The following PCDH15 variants were observed in gnomAD, a reference collection of about 807,000 sequenced individuals.
PCDH15 encodes the protein protocadherin-15.
Under a neutral mutation model 178.5 loss-of-function variants are expected in PCDH15, and 129 were observed. The observed-to-expected ratio is 0.72, with a 90% CI of 0.63 to 0.84. The LOEUF (loss-of-function observed/expected upper bound fraction) is 0.84, where lower values mean the gene tolerates loss of function less well. PCDH15 is among the 40% of genes least tolerant of loss of function. PCDH15 has a pLI of 0.00. For missense variants in PCDH15, 2,230 were observed against 2,099.9 expected (o/e 1.06, Z -1.21); for synonymous variants, 800 against 732.0 (o/e 1.09, Z -1.50).
intron 1 of PCDH15, among the ~76,000 whole-genome samples, chr10:54,677,091 G>A (rs896739018): frequency 6.6e-6 from 1 of 152,164 alleles, no homozygotes; most frequent in Non-Finnish European, 1.5e-5. Flanking sequence ...GTATATTCCG[G>A]CACAACATGG....
At chr10:53,863,480 G>C (rs773760183) in intron 27 of PCDH15, among the ~76,000 whole-genome samples, 17 of 152,088 alleles carry the variant, frequency 1.1e-4, no homozygotes, top group Non-Finnish European at 1.6e-4. Context: ...TGGTAGCATC[G>C]ACAAGAATAG....
At chr10:54,354,439 A>C (rs2583033) in intron 5 of PCDH15, among the ~76,000 whole-genome samples, 17,507 of 152,214 alleles carry the variant, frequency 0.12, 1,797 homozygotes, top group African/African-American at 0.28. Context: ...CTCTTTTTTA[A>C]CTGTTTCCTG....
At chr10:54,963,776 C>G (rs1371596981) in intron 2 of PCDH15, among the ~76,000 whole-genome samples, 1 of 152,152 alleles carries the variant, frequency 6.6e-6, no homozygotes, top group Admixed American at 6.5e-5. Context: ...TGTAGTCCTT[C>G]ATTAATGTGT....
rs911375116 is a variant in PCDH15 at position 53,820,184 on chromosome 10, T to C, written c.4414A>G (p.Ile1472Val). ...QLVICMRTCA[I>V]WRTLTRRGYG... is the part of the protein sequence containing the mutation. ...GAATACCTTGTCAGAGTCCGCCAAA[T>C]AGCACAAGTTCTCATGCATATGACC... Residue 1472 changes from isoleucine to valine, a missense_variant, in exon 33 of 38, where the codon ATT becomes GTT. Transcript: ENST00000644397. 5 of 397,736 alleles carry C rather than the reference T, an allele frequency of 1.3e-5. No individual in the cohort carries two copies. Among genetic ancestry groups the C allele is most frequent in the Non-Finnish European group, 2.2e-5 (5 of 225,486 alleles). 24.6% of individuals were successfully genotyped at this position (397,736 alleles called of 1,614,324 possible).
At position 55,171,626 on chromosome 10, in the gene PCDH15, A is replaced by G. The variant is rs1254149213; in HGVS notation, c.-155-4975T>C. Among the ~76,000 whole-genome samples, 3 of 152,156 alleles carry G rather than the reference A, an allele frequency of 2.0e-5. No homozygotes were observed. In the East Asian group the frequency reaches 5.8e-4, roughly 29 times the overall value. On this transcript the variant is annotated intron_variant, in intron 1 of 5. Transcript: ENST00000458638. ...TACTCTGCTATTTGGCATTTGACCA[A>G]GTTCTTTGCCTAATTACACTTTAAT...
chr10:54,928,876 C>T (rs898031886), intron 2 of PCDH15, among the ~76,000 whole-genome samples: 6 of 152,076 alleles, frequency 3.9e-5, no homozygotes, highest in African/African-American at 1.4e-4. Flanking sequence ...TCAACATACT[C>T]CTGCACCTCA....
chr10:55,015,911 G>A (rs1172838990), intron 2 of PCDH15, among the ~76,000 whole-genome samples: 1 of 151,992 alleles, frequency 6.6e-6, no homozygotes, highest in Non-Finnish European at 1.5e-5. Flanking sequence ...GGTAAAAACT[G>A]CATAGAAGAG....
At chr10:55,235,644 G>A (rs1841359122) in intron 1 of PCDH15, among the ~76,000 whole-genome samples, 1 of 151,898 alleles carries the variant, frequency 6.6e-6, no homozygotes, top group Non-Finnish European at 1.5e-5. Flanking sequence ...CGGTGGCTCA[G>A]GCCTGTAATC....
chr10:53,823,515 C>CAT, intron 32 of PCDH15: 1 of 815,392 alleles, frequency 1.2e-6, no homozygotes, highest in Non-Finnish European at 2.2e-6. Flanking sequence ...TTTTAATTCC[C>CAT]TGCTCTTAGA....
intron 21 of PCDH15, among the ~76,000 whole-genome samples, chr10:53,990,208 T>G (rs1448044306): frequency 8.5e-5 from 13 of 152,136 alleles, no homozygotes; most frequent in Admixed American, 8.5e-4. Flanking sequence ...AGATGGGTGT[T>G]GAAACCCCTT....
chr10:54,851,864 C>A (rs76710818), intron 3 of PCDH15, among the ~76,000 whole-genome samples: 3,892 of 152,174 alleles, frequency 0.026, 181 homozygotes, highest in African/African-American at 0.09. Context: ...GCCACCACGA[C>A]TGGCCTGATT....
chr10:54,446,218 A>G (rs995525853), intron 3 of PCDH15, among the ~76,000 whole-genome samples: 1 of 151,586 alleles, frequency 6.6e-6, no homozygotes, highest in African/African-American at 2.4e-5. Flanking sequence ...TTCTCTCTAT[A>G]GTTTTCTTGT....
intron 2 of PCDH15, among the ~76,000 whole-genome samples, chr10:55,058,394 G>A (rs1415146307): frequency 2.0e-5 from 3 of 152,020 alleles, no homozygotes; most frequent in African/African-American, 4.8e-5. Context: ...ATTTTTTGTA[G>A]AGATGGGATT....
intron 2 of PCDH15, among the ~76,000 whole-genome samples, chr10:55,394,063 C>A (rs551748702): frequency 6.6e-6 from 1 of 152,142 alleles, no homozygotes; most frequent in African/African-American, 2.4e-5. Flanking sequence ...ACCCAACCAG[C>A]CCCTTCCCTC....
intron 2 of PCDH15, among the ~76,000 whole-genome samples, chr10:54,988,546 C>A (rs936196638): frequency 6.6e-6 from 1 of 152,160 alleles, no homozygotes; most frequent in Non-Finnish European, 1.5e-5. Context: ...TTTCTGGGAA[C>A]TGGAGCAAAG....
chr10:54,182,184 C>G (rs2048049241), intron 13 of PCDH15, among the ~76,000 whole-genome samples: 1 of 152,182 alleles, frequency 6.6e-6, no homozygotes, highest in Non-Finnish European at 1.5e-5. Context: ...CCAGGCTGGT[C>G]TCGAGCTCCT....
intron 2 of PCDH15, chr10:54,528,288 A>G: frequency 1.8e-6 from 2 of 1,139,384 alleles, no homozygotes; most frequent in South Asian, 2.7e-5. Flanking sequence ...CTAATTAGAG[A>G]GAGTGAATAG....
intron 2 of PCDH15, among the ~76,000 whole-genome samples, chr10:55,162,798 C>T (rs1352153484): frequency 6.6e-6 from 1 of 152,108 alleles, no homozygotes; most frequent in Non-Finnish European, 1.5e-5. Flanking sequence ...GCAGTAGAAC[C>T]TACTATGGCT....
chr10:54,072,592 A>G (rs1026318387), intron 17 of PCDH15, among the ~76,000 whole-genome samples: 4 of 152,194 alleles, frequency 2.6e-5, no homozygotes, highest in African/African-American at 9.6e-5. Context: ...CTCATCCCCT[A>G]CTGCCACTTT....
Sources: allele counts gnomAD v4.1 joint callset (sites outside exome capture counted in the v4.1 genomes callset), GRCh38; gene constraint gnomAD v4.1.1; transcripts MANE v1.5; gene names NCBI Gene and HGNC (gene_info 2026-07-23, HGNC 2026-07-21).